The following PIEZO2 variants were observed in gnomAD, a reference collection of about 807,000 sequenced individuals.
PIEZO2 encodes piezo-type mechanosensitive ion channel component 2.
PIEZO2 carries 172 observed loss-of-function variants against 337.3 expected under a neutral mutation model. That is an observed-to-expected ratio of 0.51 (90% confidence interval 0.45 to 0.58). The LOEUF is 0.58. Ranked by LOEUF, PIEZO2 falls within the 20% of genes least tolerant of loss-of-function variation. PIEZO2 has a pLI of 0.00. For missense variants in PIEZO2, 3,028 were observed against 3,391.3 expected, an observed-to-expected ratio of 0.89 and a Z score of 2.66; for synonymous variants, 1,251 against 1,228.5, an observed-to-expected ratio of 1.02 and a Z score of -0.38.
At chr18:11,100,785 C>T (rs568339236) in intron 1 of PIEZO2, among the ~76,000 whole-genome samples, 276 of 152,246 alleles carry the variant, frequency 1.8e-3, no homozygotes, top group Non-Finnish European at 2.7e-3. Flanking sequence ...TTAGTAGAGA[C>T]AGGGTTTCAC....
At position 11,078,067 on chromosome 18, in the gene PIEZO2, CCA is replaced by C. The variant is rs1452318886; in HGVS notation, c.65-11847_65-11846del. On this transcript the variant is annotated intron_variant, in intron 1 of 55. Transcript: ENST00000674853. The surrounding 1 kb of genome is among the most constrained non-coding windows in gnomAD (Gnocchi z 5.3). Reference sequence around the variant, plus strand: ...ACACCCACACACACACACACACACACCACACACACAAAAACAAACATACACAC... The same window carrying C: ...ACACCCACACACACACACACACACACCACACACAAAAACAAACATACACAC... 1.4e-5 allele frequency among the ~76,000 whole-genome samples: 2 copies of C among 142,508 alleles called. No homozygotes were observed. The highest frequency in any genetic ancestry group is 5.3e-5 in the African/African-American group (2 of 37,620). The allele number at this position is 142,508 out of a possible 152,430, so 93.5% of individuals were successfully genotyped here.
At chr18:10,720,057 C>T (rs989196549) in intron 36 of PIEZO2, among the ~76,000 whole-genome samples, 4 of 151,082 alleles carry the variant, frequency 2.6e-5, no homozygotes, top group East Asian at 2.0e-4. Context: ...CAAATAATGA[C>T]GTGAAGTTTG....
At chr18:10,909,498 G>T (rs2030267621) in intron 4 of PIEZO2, among the ~76,000 whole-genome samples, 1 of 133,596 alleles carries the variant, frequency 7.5e-6, no homozygotes, top group Admixed American at 8.1e-5. Context: ...TAATGCTAAA[G>T]ACTTATTTGT....
Position 11,033,794 on chromosome 18 carries a change from C to T in PIEZO2, c.160+32333G>A, listed in dbSNP as rs76599607. Among the ~76,000 whole-genome samples the T allele has an allele frequency of 3.0e-4, 45 of 152,180 alleles. No individual in the cohort carries two copies. The East Asian group carries it at 8.7e-3, about 29-fold the overall frequency. ...TAAAATTGGTATCCGACCGAACAAG[C>T]TTGGGATGCTCAACATAATGGAGTG... is the stretch of plus-strand genomic sequence containing the variant. On this transcript the variant is annotated intron_variant, in intron 2 of 55. Transcript: ENST00000674853. The surrounding 1 kb of genome is among the most constrained non-coding windows in gnomAD (Gnocchi z 4.2).
intron 27 of PIEZO2, 74 bp from the exon 28 acceptor site, chr18:10,752,953 C>G: frequency 4.1e-6 from 6 of 1,470,396 alleles, no homozygotes; most frequent in Non-Finnish European, 5.4e-6. Context: ...AAGTCTTTAA[C>G]AAGGGAAGAA....
chr18:11,043,395 C>G (rs1204157056), intron 2 of PIEZO2, among the ~76,000 whole-genome samples: 1 of 152,090 alleles, frequency 6.6e-6, no homozygotes, highest in East Asian at 1.9e-4. Context: ...AAATGTCCCA[C>G]GTATTAGTAT....
intron 2 of PIEZO2, among the ~76,000 whole-genome samples, chr18:10,998,419 T>C (rs2145592926): frequency 6.6e-6 from 1 of 151,932 alleles, no homozygotes; most frequent in African/African-American, 2.4e-5. Flanking sequence ...TCATGGAATT[T>C]CTAGAAAAAA....
intron 36 of PIEZO2, chr18:10,725,146 C>G (rs1728031): frequency 0.082 from 119,688 of 1,459,206 alleles, 8,313 homozygotes; most frequent in Admixed American, 0.3. Context: ...TATGGCTGTG[C>G]TGAAGTACTG....
At chr18:10,811,144 CTA>C (rs764955797) in intron 7 of PIEZO2, among the ~76,000 whole-genome samples, 6 of 152,270 alleles carry the variant, frequency 3.9e-5, no homozygotes, top group Non-Finnish European at 7.4e-5. Flanking sequence ...ACGTTTCTTC[CTA>C]TCTCTTTGTT....
At chr18:10,763,771 A>G (rs1351999846) in intron 21 of PIEZO2, among the ~76,000 whole-genome samples, 2 of 152,216 alleles carry the variant, frequency 1.3e-5, no homozygotes, top group Non-Finnish European at 2.9e-5. Context: ...TGGAGGGCCC[A>G]TTGTGGGGAC....
At chr18:10,699,503 T>A (rs971289386) in intron 43 of PIEZO2, among the ~76,000 whole-genome samples, 2 of 152,120 alleles carry the variant, frequency 1.3e-5, no homozygotes, top group Non-Finnish European at 2.9e-5. Context: ...AAGTAAGATG[T>A]GACTTGCTCC....
chr18:10,731,211 A>C (rs1313759398), intron 36 of PIEZO2, among the ~76,000 whole-genome samples, 196 bp downstream of exon 36: 41 of 140,710 alleles, frequency 2.9e-4, no homozygotes, highest in African/African-American at 1.1e-3. Context: ...ATATATATAT[A>C]TATATATCTC....
At chr18:10,874,345 C>T (rs1289942757) in intron 4 of PIEZO2, among the ~76,000 whole-genome samples, 1 of 152,058 alleles carries the variant, frequency 6.6e-6, no homozygotes, top group African/African-American at 2.4e-5. Context: ...GAAAGGGGAA[C>T]CCCTGTATAC....
Position 11,009,346 on chromosome 18 carries a change from T to A in PIEZO2, c.161-29686A>T, listed in dbSNP as rs994794313. On this transcript the variant is annotated intron_variant, in intron 2 of 55. Coordinates refer to ENST00000674853, the MANE Select transcript of PIEZO2 (RefSeq NM_001378183.1). The surrounding 1 kb of genome is among the most constrained non-coding windows in gnomAD (Gnocchi z 4.6). ...ATGTCCAGACTCCACCCCTGGAAGTTCTGACCTCATTTTTCTGGGGTGGGG... is the reference window on the plus strand; with the variant it reads ...ATGTCCAGACTCCACCCCTGGAAGTACTGACCTCATTTTTCTGGGGTGGGG... Among the ~76,000 whole-genome samples the A allele has an allele frequency of 1.3e-5, 2 of 152,194 alleles. No homozygotes were observed. The highest frequency in any genetic ancestry group is 4.8e-5 in the African/African-American group (2 of 41,444).
intron 2 of PIEZO2, among the ~76,000 whole-genome samples, chr18:11,056,800 C>T (rs758509492): frequency 2.6e-5 from 4 of 152,010 alleles, no homozygotes. Context: ...ATTAGCCTTT[C>T]CAGGTGTCCA....
rs1218357754 is a variant in PIEZO2 at position 10,801,354 on chromosome 18, C to T, written c.1239+36G>A. On this transcript the variant is annotated intron_variant, in intron 10 of 55. Transcript: ENST00000674853. ...CCATTTGTTGCCTTTACATCACTTACACATGCATAAATGATAATTCTAAGG... is the reference window on the plus strand; with the variant it reads ...CCATTTGTTGCCTTTACATCACTTATACATGCATAAATGATAATTCTAAGG... 5 of 1,442,592 alleles carry T rather than the reference C, an allele frequency of 3.5e-6. No individual in the cohort carries two copies. The East Asian group carries it at 9.9e-5, about 29-fold the overall frequency. The allele number at this position is 1,442,592 out of a possible 1,614,324, so 89.4% of individuals were successfully genotyped here. A position where few individuals can be genotyped will look rare whatever the true frequency, so the allele number is the denominator to read the frequency against.
intron 2 of PIEZO2, among the ~76,000 whole-genome samples, chr18:10,986,678 T>C (rs11875878): frequency 0.021 from 3,208 of 152,128 alleles, 124 homozygotes; most frequent in African/African-American, 0.072. Flanking sequence ...TAGCACACTC[T>C]TGCTGCTTCT....
chr18:10,934,456 G>A (rs2032263745), intron 3 of PIEZO2, among the ~76,000 whole-genome samples: 1 of 152,016 alleles, frequency 6.6e-6, no homozygotes, highest in Non-Finnish European at 1.5e-5. Context: ...GTATGAAAGG[G>A]GCTTTTACAA....
intron 4 of PIEZO2, among the ~76,000 whole-genome samples, chr18:10,875,155 A>G (rs2042238019): frequency 6.6e-6 from 1 of 152,170 alleles, no homozygotes; most frequent in Non-Finnish European, 1.5e-5. Context: ...ATTTTTACAA[A>G]TCGCCTCTAA....
Sources: gnomAD v4.1 joint callset for allele counts (sites outside exome capture counted in the v4.1 genomes callset) on GRCh38, gnomAD v4.1.1 for gene constraint, Gnocchi (gnomAD v3.1) non-coding constraint, MANE v1.5 for transcripts, NCBI Gene and HGNC (gene_info 2026-07-23, HGNC 2026-07-21) for gene names.